Variants in CERS3 observed in about 807,000 individuals in gnomAD.
The protein encoded by CERS3 is LAG1 homolog, ceramide synthase 3.
Under a neutral mutation model 50.3 loss-of-function variants are expected in CERS3, and 33 were observed. That is an observed-to-expected ratio of 0.66 (90% CI 0.50 to 0.88). CERS3 has a LOEUF of 0.88. CERS3 is among the 40% of genes least tolerant of loss of function. The probability of loss-of-function intolerance (pLI) is 0.00; values close to 1 mark genes in which losing one functional copy is unlikely to be tolerated. For synonymous variants in CERS3, 176 were observed against 155.2 expected (o/e 1.13, Z -0.99); for missense variants, 470 against 460.3 (o/e 1.02, Z -0.19).
chr15:100,532,414 T>C (rs571341983), upstream of CERS3, among the ~76,000 whole-genome samples: 3 of 152,196 alleles, frequency 2.0e-5, no homozygotes, highest in East Asian at 1.9e-4. Flanking sequence ...TGTTTTATCT[T>C]ATCATTTTCA....
chr15:100,501,651 G>T (rs560624862), intron 3 of CERS3, 26 bp downstream of exon 3: 2 of 1,575,886 alleles, frequency 1.3e-6, no homozygotes, highest in South Asian at 1.1e-5. Flanking sequence ...GGGGGAATGG[G>T]AAGGAAAGAC....
chr15:100,469,252 C>A, intron 10 of CERS3, 126 bp downstream of exon 10: 1 of 659,410 alleles, frequency 1.5e-6, no homozygotes, highest in Admixed American at 2.5e-5. Flanking sequence ...ATTCTTTTCT[C>A]CAACTGCACT....
At chr15:100,470,628 G>A (rs1179802688) in intron 9 of CERS3, among the ~76,000 whole-genome samples, 1 of 152,148 alleles carries the variant, frequency 6.6e-6, no homozygotes, top group Non-Finnish European at 1.5e-5. Flanking sequence ...ATTTGTGAGG[G>A]TGAAGTAACA....
intron 10 of CERS3, among the ~76,000 whole-genome samples, chr15:100,465,170 C>T (rs1280668103): frequency 1.3e-5 from 2 of 152,034 alleles, no homozygotes; most frequent in Non-Finnish European, 2.9e-5. Context: ...GAAAGAAGAA[C>T]AGAGCAACTA....
chr15:100,534,347 A>G (rs951193881), intron 1 of CERS3, among the ~76,000 whole-genome samples: 1 of 152,180 alleles, frequency 6.6e-6, no homozygotes, highest in Non-Finnish European at 1.5e-5. Flanking sequence ...GAGGAAAATA[A>G]TAGTGATACT....
Position 100,483,784 on chromosome 15 carries a change from A to ATTTTTTTTTTTT in CERS3, c.407+765_407+766insAAAAAAAAAAAA, listed in dbSNP as rs1335617514. Among the ~76,000 whole-genome samples, 157 of 89,382 alleles carry ATTTTTTTTTTTT rather than the reference A, an allele frequency of 1.8e-3. 4 individuals are homozygous for ATTTTTTTTTTTT. The highest frequency in any genetic ancestry group is 5.6e-3 in the South Asian group (14 of 2,520). The allele number at this position is 89,382 out of a possible 152,430, so 58.6% of individuals were successfully genotyped here. A position where few individuals can be genotyped will look rare whatever the true frequency, so the allele number is the denominator to read the frequency against. On this transcript the variant is annotated intron_variant, in intron 5 of 11. Coordinates refer to ENST00000679737, the MANE Select transcript of CERS3 (RefSeq NM_001378789.1). ...ATCAATAATAATAATAATTATTATT[A>ATTTTTTTTTTTT]TTATTTTTTTTTTTGAGACAGAGTC... is the stretch of plus-strand genomic sequence containing the variant.
chr15:100,540,379 C>T (rs143548208), intron 1 of CERS3, among the ~76,000 whole-genome samples: 5 of 152,282 alleles, frequency 3.3e-5, no homozygotes, highest in African/African-American at 9.6e-5. Flanking sequence ...CCTGTCTCTA[C>T]TGAAAACACA....
chr15:100,459,867 A>T (rs1474371035), intron 10 of CERS3, among the ~76,000 whole-genome samples: 1 of 152,108 alleles, frequency 6.6e-6, no homozygotes, highest in Non-Finnish European at 1.5e-5. Context: ...ATATTTATAC[A>T]TCTATTTATA....
intron 2 of CERS3, among the ~76,000 whole-genome samples, chr15:100,514,563 T>G (rs1192644283): frequency 6.6e-6 from 1 of 152,202 alleles, no homozygotes; most frequent in African/African-American, 2.4e-5. Context: ...GTTAGTAATA[T>G]TAGTTTTTTA....
At chr15:100,412,725 C>A (rs116057061) in intron 11 of CERS3, among the ~76,000 whole-genome samples, 1 of 152,130 alleles carries the variant, frequency 6.6e-6, no homozygotes, top group African/African-American at 2.4e-5. Context: ...TCCCAACTAA[C>A]CAGTGTAAAA....
upstream of CERS3, among the ~76,000 whole-genome samples, chr15:100,532,011 G>A (rs1567688364): frequency 6.6e-6 from 1 of 152,096 alleles, no homozygotes; most frequent in Non-Finnish European, 1.5e-5. Context: ...TAGGAGAAGT[G>A]TAGACCAGAG....
chr15:100,525,893 T>C (rs1466595834), intron 1 of CERS3, among the ~76,000 whole-genome samples: 1 of 152,216 alleles, frequency 6.6e-6, no homozygotes, highest in Non-Finnish European at 1.5e-5. Context: ...GTCTGTCTAG[T>C]GTTGGCACAA....
At chr15:100,485,776 CT>C (rs777298986) in intron 4 of CERS3, among the ~76,000 whole-genome samples, 10 of 152,046 alleles carry the variant, frequency 6.6e-5, no homozygotes, top group Non-Finnish European at 1.3e-4. Flanking sequence ...AGGCAGGAGA[CT>C]TGCTGGAATC....
intron 11 of CERS3, among the ~76,000 whole-genome samples, chr15:100,422,759 A>G (rs1456554293): frequency 7.6e-6 from 1 of 132,240 alleles, no homozygotes; most frequent in Non-Finnish European, 1.6e-5. Flanking sequence ...GCAGCCATAA[A>G]AAATGATGAG....
intron 8 of CERS3, among the ~76,000 whole-genome samples, chr15:100,473,349 T>C (rs928034476): frequency 2.0e-5 from 3 of 152,124 alleles, no homozygotes; most frequent in African/African-American, 7.2e-5. Flanking sequence ...TGTGTACACC[T>C]ACAGTTATTG....
intron 1 of CERS3, among the ~76,000 whole-genome samples, chr15:100,527,338 A>G (rs1196694435): frequency 6.6e-6 from 1 of 152,184 alleles, no homozygotes; most frequent in Non-Finnish European, 1.5e-5. Context: ...CCAGGGTCAT[A>G]GTTAGTAAGC....
intron 2 of CERS3, among the ~76,000 whole-genome samples, chr15:100,510,555 C>G (rs1007289623): frequency 9.2e-5 from 14 of 152,208 alleles, no homozygotes; most frequent in African/African-American, 3.4e-4. Context: ...CACCCCCAGC[C>G]TCCACCCCAG....
At chr15:100,496,232 A>G (rs2035810472) in intron 3 of CERS3, among the ~76,000 whole-genome samples, 1 of 152,234 alleles carries the variant, frequency 6.6e-6, no homozygotes, top group African/African-American at 2.4e-5. Flanking sequence ...CTTGTACTCA[A>G]ATTGTTCATA....
In CERS3 at chr15:100,511,701, G is replaced by A. The variant is rs2036347872; in HGVS notation, c.-1-9851C>T. Among the ~76,000 whole-genome samples the A allele has an allele frequency of 1.1e-4, 2 of 18,566 alleles. 1 individual carries two copies. The highest frequency in any genetic ancestry group is 2.1e-4 in the African/African-American group (2 of 9,484). The allele number at this position is 18,566 out of a possible 152,430, so 12.2% of individuals were successfully genotyped here. A position where few individuals can be genotyped will look rare whatever the true frequency, so the allele number is the denominator to read the frequency against. On this transcript the variant is annotated intron_variant, in intron 2 of 11. Transcript: ENST00000679737. ...GGAGAGGAGCATCGTAAGTCCACTG[G>A]GAGCCTGATTTCCATTAATGTTCTG...
Sources: allele counts gnomAD v4.1 joint callset (sites outside exome capture counted in the v4.1 genomes callset), GRCh38; gene constraint gnomAD v4.1.1; transcripts MANE v1.5; gene names NCBI Gene and HGNC (gene_info 2026-07-23, HGNC 2026-07-21).